Variants in ANO4 observed in about 807,000 individuals in gnomAD.
ANO4 encodes the protein anoctamin 4.
Under a neutral mutation model 141.9 loss-of-function variants are expected in ANO4, and 69 were observed. The ratio of observed to expected loss-of-function variants is 0.49; its 90% CI spans 0.40 to 0.59. ANO4 has a LOEUF of 0.59. ANO4 is among the 20% of genes least tolerant of loss of function. The pLI is 0.00. For missense variants in ANO4, 894 were observed against 1,162.2 expected (o/e 0.77, Z 3.36); for synonymous variants, 350 against 394.3 (o/e 0.89, Z 1.33).
chr12:100,822,049 A>G (rs10860639), intron 1 of ANO4, among the ~76,000 whole-genome samples: 94,238 of 151,722 alleles, frequency 0.62, 29,751 homozygotes, highest in Non-Finnish European at 0.67. Context: ...CACAGCTCCC[A>G]TCCTGACCAC....
chr12:100,798,642 C>T (rs2034492555), intron 1 of ANO4, among the ~76,000 whole-genome samples: 1 of 152,104 alleles, frequency 6.6e-6, no homozygotes, highest in African/African-American at 2.4e-5. Context: ...GTTTATATTG[C>T]AAGTTATACT....
At chr12:100,942,305 T>C (rs1443732569) in intron 4 of ANO4, 72 bp from the exon 5 acceptor site, 1 of 1,527,512 alleles carries the variant, frequency 6.5e-7, no homozygotes, top group Non-Finnish European at 8.9e-7. Context: ...GTTTTAATTG[T>C]TCTTTAACAT....
At chr12:100,829,851 G>A (rs893398032) in intron 1 of ANO4, among the ~76,000 whole-genome samples, 2 of 151,948 alleles carry the variant, frequency 1.3e-5, no homozygotes, top group Non-Finnish European at 2.9e-5. Flanking sequence ...TTTCAGTGAC[G>A]TTAATATCAT....
At chr12:101,127,126 G>T in intron 27 of ANO4, 52 bp downstream of exon 27, 28 of 1,518,830 alleles carry the variant, frequency 1.8e-5, no homozygotes, top group Non-Finnish European at 2.5e-5. Flanking sequence ...TTGAATGGGT[G>T]CTTTAAACTC....
At chr12:101,101,675 G>A (rs1175642310) in intron 22 of ANO4, among the ~76,000 whole-genome samples, 1 of 150,382 alleles carries the variant, frequency 6.6e-6, no homozygotes, top group Admixed American at 6.6e-5. Context: ...CCTCTGCCAA[G>A]CTTGAGTCAG....
chr12:101,007,471 C>T (rs2045920347), intron 8 of ANO4, among the ~76,000 whole-genome samples: 2 of 152,216 alleles, frequency 1.3e-5, no homozygotes, highest in African/African-American at 4.8e-5. Context: ...AATCCTCAAA[C>T]ATCCTCTGAA....
At chr12:100,750,328 G>A (rs1176599635) in intron 3 of ANO4, among the ~76,000 whole-genome samples, 1 of 144,796 alleles carries the variant, frequency 6.9e-6, no homozygotes, top group Non-Finnish European at 1.5e-5. Context: ...ATTTTTAGTA[G>A]AGACAGGGTT....
intron 23 of ANO4, 114 bp downstream of exon 23, chr12:101,110,670 C>T: frequency 1.1e-6 from 1 of 929,152 alleles, no homozygotes; most frequent in African/African-American, 1.7e-5. Flanking sequence ...TATAATTCAC[C>T]TAATTTTTGC....
At chr12:100,760,531 T>G (rs1365537996) in intron 3 of ANO4, among the ~76,000 whole-genome samples, 1 of 152,188 alleles carries the variant, frequency 6.6e-6, no homozygotes, top group African/African-American at 2.4e-5. Context: ...TTCTCTAAAA[T>G]GAGGAGTATT....
At chr12:100,923,340 A>G (rs915937261) in intron 3 of ANO4, among the ~76,000 whole-genome samples, 6 of 145,126 alleles carry the variant, frequency 4.1e-5, no homozygotes, top group African/African-American at 1.6e-4. Flanking sequence ...CCTGTGTCCA[A>G]ATCATCTCAT....
At chr12:100,971,855 TA>T (rs35743193) in intron 6 of ANO4, among the ~76,000 whole-genome samples, 9 of 148,178 alleles carry the variant, frequency 6.1e-5, no homozygotes, top group Admixed American at 5.4e-4. Context: ...ATCTTCTTTT[TA>T]AAAAAAAAAC....
chr12:100,884,330 C>T (rs767914625), intron 1 of ANO4, among the ~76,000 whole-genome samples: 2 of 152,116 alleles, frequency 1.3e-5, no homozygotes, highest in African/African-American at 2.4e-5. Flanking sequence ...AATTAAATAT[C>T]GATTAAGGAA....
chr12:101,049,462 A>G (rs916120452), intron 14 of ANO4, among the ~76,000 whole-genome samples: 6 of 150,728 alleles, frequency 4.0e-5, no homozygotes, highest in Non-Finnish European at 7.4e-5. Context: ...CTTGAGGACC[A>G]TTATGATTAT....
intron 5 of ANO4, among the ~76,000 whole-genome samples, chr12:100,962,303 G>A (rs1310889119): frequency 4.6e-5 from 7 of 152,182 alleles, no homozygotes. Context: ...TGTGTGCTCA[G>A]TAACATGCTG....
At chr12:100,854,414 A>G (rs11110558) in intron 1 of ANO4, among the ~76,000 whole-genome samples, 7,226 of 152,110 alleles carry the variant, frequency 0.048, 230 homozygotes, top group Middle Eastern at 0.096. Flanking sequence ...TCCTTCTATT[A>G]TGGAAAGTTT....
rs557612539 is a variant in ANO4 at position 100,859,766 on chromosome 12, G to A, written c.-140-41880G>A. Among the ~76,000 whole-genome samples the A allele has an allele frequency of 9.2e-5, 14 of 152,138 alleles. No homozygotes were observed. The East Asian group carries it at 2.1e-3, about 23-fold the overall frequency. ...TAAGGTCTCGTTCTTTTTTAATCCT[G>A]GCACCTGGCACTAGGTGTGGCATTT... On this transcript the variant is annotated intron_variant, in intron 1 of 27. Transcript: ENST00000392977.
chr12:100,924,072 G>A (rs1212125518), intron 3 of ANO4, among the ~76,000 whole-genome samples: 1 of 151,562 alleles, frequency 6.6e-6, no homozygotes, highest in Non-Finnish European at 1.5e-5. Flanking sequence ...TGAAAATTTT[G>A]TCCCATTCTG....
At chr12:100,986,069 T>C (rs903596174) in intron 7 of ANO4, among the ~76,000 whole-genome samples, 1 of 152,034 alleles carries the variant, frequency 6.6e-6, no homozygotes, top group African/African-American at 2.4e-5. Context: ...TGAGTGGAAC[T>C]AGAAGATGGA....
chr12:100,988,802 C>T (rs919299468), intron 8 of ANO4, among the ~76,000 whole-genome samples: 4 of 137,782 alleles, frequency 2.9e-5, no homozygotes, highest in South Asian at 4.8e-4. Flanking sequence ...ACCTGGGAGG[C>T]GGAGGTTGCA....
Sources: gnomAD v4.1 joint callset for allele counts (sites outside exome capture counted in the v4.1 genomes callset) on GRCh38, gnomAD v4.1.1 for gene constraint, MANE v1.5 for transcripts, NCBI Gene and HGNC (gene_info 2026-07-23, HGNC 2026-07-21) for gene names.